SETD2: variants seen among roughly 807,000 people sequenced by gnomAD.
The protein encoded by SETD2 is SET domain containing 2, histone lysine methyltransferase.
In SETD2, 31 loss-of-function variants were observed where a neutral mutation model predicts 242.1. The observed-to-expected ratio is 0.13, with a 90% confidence interval of 0.10 to 0.17. The LOEUF (loss-of-function observed/expected upper bound fraction) is 0.17, where lower values mean the gene tolerates loss of function less well. Ranked by LOEUF, SETD2 falls within the 10% of genes least tolerant of loss-of-function variation. The pLI is 1.00. For missense variants in SETD2, 2,481 were observed against 3,046.3 expected, an observed-to-expected ratio of 0.81 and a Z score of 4.37; for synonymous variants, 1,006 against 1,066.5, an observed-to-expected ratio of 0.94 and a Z score of 1.11.
chr3:47,067,202 T>C, intron 12 of SETD2, 84 bp from the exon 13 acceptor site: 2 of 1,023,744 alleles, frequency 2.0e-6, no homozygotes, highest in Non-Finnish European at 3.1e-6. Context: ...CACATGACAA[T>C]AAAGAAATGG....
chr3:47,063,784 AC>A (rs1348779122), intron 13 of SETD2, among the ~76,000 whole-genome samples: 1 of 152,044 alleles, frequency 6.6e-6, no homozygotes, highest in African/African-American at 2.4e-5. Flanking sequence ...GGAGTTTGAG[AC>A]CAGCCTGGCC....
At chr3:47,064,809 TATAAA>T (rs2040490145) in intron 13 of SETD2, among the ~76,000 whole-genome samples, 1 of 147,834 alleles carries the variant, frequency 6.8e-6, no homozygotes, top group Admixed American at 6.8e-5. Flanking sequence ...TATATAAAAA[TATAAA>T]ATAATTATAA....
chr3:47,145,433 C>A, intron 1 of SETD2: 1 of 325,492 alleles, frequency 3.1e-6, no homozygotes, highest in South Asian at 2.5e-5. Context: ...CTTTGTTGCC[C>A]AGGCTGGAGC....
Position 47,057,506 on chromosome 3 carries a change from G to A in SETD2, c.6294-16C>T, listed in dbSNP as rs747552644. ...TGTATCATATCTAGAAAGAAAATAA[G>A]GACCACAAAAAGTTGCTCCCTAAAT... On this transcript the variant is annotated splice_polypyrimidine_tract_variant and intron_variant, in intron 14 of 20. Transcript: ENST00000409792. 51 of 1,602,190 alleles carry A rather than the reference G, an allele frequency of 3.2e-5. No individual in the cohort carries two copies. In the South Asian group the frequency reaches 5.3e-4, roughly 17 times the overall value.
chr3:47,053,612 T>C (rs2039941171), intron 15 of SETD2, among the ~76,000 whole-genome samples: 2 of 152,218 alleles, frequency 1.3e-5, no homozygotes, highest in South Asian at 2.1e-4. Flanking sequence ...ACTGAATATG[T>C]AGATACACAG....
Position 47,062,322 on chromosome 3 carries a change from A to G in SETD2, c.6134T>C (p.Val2045Ala), listed in dbSNP as rs2040369760. ...GGCAGGTGTTTGATCTCTGAAGCCA[A>G]CAGCATCCCTTCCTCGTTCAGTTGC... ...NTTTERGRDA[V>A]GFRDQTPAPK... Residue 2045 changes from valine (V) to alanine (A), a missense_variant, in exon 14 of 21, where the codon GTT becomes GCT. This residue lies in a region of SETD2 where 80 missense variants were observed against 102.6 expected (regional missense o/e 0.78). Transcript: ENST00000409792. 6.2e-7 allele frequency: 1 copy of G among 1,607,912 alleles called. No homozygotes were observed. Among genetic ancestry groups the G allele is most frequent in the Non-Finnish European group, 8.5e-7 (1 of 1,178,144 alleles).
At chr3:47,095,620 A>C (rs2041975909) in intron 9 of SETD2, among the ~76,000 whole-genome samples, 1 of 152,230 alleles carries the variant, frequency 6.6e-6, no homozygotes, top group Non-Finnish European at 1.5e-5. Context: ...CAGTGACTAC[A>C]CTTCCATAGA....
chr3:47,017,791 G>T lies in SETD2; in HGVS notation c.7432-52C>A. 8.3e-7 allele frequency: 1 copy of T among 1,209,190 alleles called. No individual in the cohort carries two copies. The highest frequency in any genetic ancestry group is 1.2e-6 in the Non-Finnish European group (1 of 811,214). The allele number at this position is 1,209,190 out of a possible 1,614,324, so 74.9% of individuals were successfully genotyped here. A position where few individuals can be genotyped will look rare whatever the true frequency, so the allele number is the denominator to read the frequency against. On this transcript the variant is annotated intron_variant, in intron 19 of 20. Transcript: ENST00000409792. This position sits in a 1 kb window ranked among gnomAD's most constrained non-coding sequence, Gnocchi z 4.8. ...TGCTCAACAGTCCAGAGAGGGCAAG[G>T]AGTTGTACTGAGGAAATAACTAGAA...
In SETD2 at chr3:47,041,281, C is replaced by T. The variant is rs544532862; in HGVS notation, c.7238+1280G>A. On this transcript the variant is annotated intron_variant, in intron 17 of 20. Coordinates refer to ENST00000409792, the MANE Select transcript of SETD2 (RefSeq NM_014159.7). Reference sequence around the variant, plus strand: ...TGTGCATGGTTGTGCTCCAATAAAACTTTATTTGCCAAAACAAGTGGCCTG... The same window carrying T: ...TGTGCATGGTTGTGCTCCAATAAAATTTTATTTGCCAAAACAAGTGGCCTG... 2.0e-5 allele frequency: 7 copies of T among 348,954 alleles called. No homozygotes were observed. The East Asian group carries it at 4.7e-4, about 23-fold the overall frequency. The allele number at this position is 348,954 out of a possible 1,614,324, so 21.6% of individuals were successfully genotyped here. A position where few individuals can be genotyped will look rare whatever the true frequency, so the allele number is the denominator to read the frequency against.
Position 47,122,239 on chromosome 3 carries a change from A to G in SETD2, c.2397T>C (p.Asp799=). The G allele has an allele frequency of 6.2e-7, 1 of 1,614,168 alleles. No homozygotes were observed. Among genetic ancestry groups the G allele is most frequent in the South Asian group, 1.1e-5 (1 of 91,086 alleles). ...CAGAGTTACACAAAGAAGGGTTGCT[A>G]TCGTTCAAAGTACAGTATATGTCTG... ...KDSDIYCTLN[D]SNPSLCNSEA... is the part of the protein sequence containing the mutation. Residue 799 remains aspartate (D), a synonymous_variant, in exon 3 of 21, where the codon GAT becomes GAC. Transcript: ENST00000409792.
At chr3:47,069,787 G>A (rs1287177619) in intron 12 of SETD2, among the ~76,000 whole-genome samples, 1 of 152,164 alleles carries the variant, frequency 6.6e-6, no homozygotes, top group African/African-American at 2.4e-5. Flanking sequence ...AGACAGGAAG[G>A]AGCAAGCTGG....
chr3:47,041,745 G>T (rs901392497), intron 17 of SETD2, among the ~76,000 whole-genome samples: 2 of 152,112 alleles, frequency 1.3e-5, no homozygotes, highest in Admixed American at 6.5e-5. Flanking sequence ...TCTCTGAGTA[G>T]TGGCAGTTCC....
At chr3:47,097,520 T>C (rs1299922026) in intron 9 of SETD2, among the ~76,000 whole-genome samples, 1 of 152,222 alleles carries the variant, frequency 6.6e-6, no homozygotes, top group Non-Finnish European at 1.5e-5. Context: ...TGACTACTCC[T>C]GTTGGTCTTA....
chr3:47,036,539 A>G lies in SETD2; in HGVS notation c.7350+1127T>C, dbSNP rs115961829. ...CAAAAAAAACAAAAAACACAACAAC[A>G]AAACCCACCCCTCCTATTGGTTTTG... On this transcript the variant is annotated intron_variant, in intron 18 of 20. Transcript: ENST00000409792. 4.6e-3 allele frequency among the ~76,000 whole-genome samples: 705 copies of G among 152,130 alleles called. 8 individuals are homozygous for G. Among genetic ancestry groups the G allele is most frequent in the African/African-American group, 0.016 (684 of 41,500 alleles).
intron 18 of SETD2, among the ~76,000 whole-genome samples, chr3:47,033,352 C>T (rs371327838): frequency 1.3e-5 from 2 of 152,194 alleles, no homozygotes; most frequent in South Asian, 2.1e-4. Flanking sequence ...TTCTTCTATG[C>T]TCCCAGGATG....
chr3:47,151,239 T>C (rs2043975779), intron 1 of SETD2, among the ~76,000 whole-genome samples: 2 of 152,204 alleles, frequency 1.3e-5, no homozygotes, highest in Admixed American at 6.5e-5. Flanking sequence ...AATGCTAAGA[T>C]AGCCAGGCTT....
At chr3:47,093,789 C>T (rs917363924) in intron 9 of SETD2, among the ~76,000 whole-genome samples, 1 of 152,148 alleles carries the variant, frequency 6.6e-6, no homozygotes. Flanking sequence ...CACCCCTCAC[C>T]AACAGTGTAT....
At chr3:47,134,329 T>C (rs988655122) in intron 1 of SETD2, among the ~76,000 whole-genome samples, 3 of 152,244 alleles carry the variant, frequency 2.0e-5, no homozygotes, top group Non-Finnish European at 2.9e-5. Flanking sequence ...TGGCGTTATA[T>C]ATTCAAGAGT....
chr3:47,119,625 T>G (rs917517998), intron 3 of SETD2: 1 of 313,548 alleles, frequency 3.2e-6, no homozygotes, highest in South Asian at 2.7e-5. Context: ...GCCACCACCA[T>G]GTAAGAAGTG....
Sources: allele counts gnomAD v4.1 joint callset (sites outside exome capture counted in the v4.1 genomes callset), GRCh38; gene constraint gnomAD v4.1.1; regional missense constraint gnomAD v4.1.1; non-coding constraint Gnocchi (gnomAD v3.1); transcripts MANE v1.5; gene names NCBI Gene and HGNC (gene_info 2026-07-23, HGNC 2026-07-21).